TAFA5: variants seen among roughly 807,000 people sequenced by gnomAD.
TAFA5 encodes the protein TAFA chemokine like family member 5.
TAFA5 carries 6 observed loss-of-function variants against 15.3 expected under a neutral mutation model. The observed-to-expected ratio is 0.39, with a 90% CI of 0.21 to 0.77. The LOEUF is 0.77. Ranked by LOEUF, TAFA5 falls within the 30% of genes least tolerant of loss-of-function variation. TAFA5 has a pLI of 0.41. For synonymous variants in TAFA5, 103 were observed against 80.7 expected, an observed-to-expected ratio of 1.28 and a Z score of -1.48; for missense variants, 161 against 193.1, an observed-to-expected ratio of 0.83 and a Z score of 0.98.
intron 1 of TAFA5, among the ~76,000 whole-genome samples, chr22:48,549,594 T>A (rs1393445577): frequency 6.6e-6 from 1 of 152,176 alleles, no homozygotes; most frequent in Non-Finnish European, 1.5e-5. Flanking sequence ...CGCAGGTGCC[T>A]CCCAAGGGAC....
chr22:48,568,599 G>A (rs191179527), intron 1 of TAFA5, among the ~76,000 whole-genome samples: 2 of 152,350 alleles, frequency 1.3e-5, no homozygotes, highest in Admixed American at 1.3e-4. Flanking sequence ...AACATTGATT[G>A]AGACCAACCG....
intron 1 of TAFA5, among the ~76,000 whole-genome samples, chr22:48,628,838 C>T (rs973331006): frequency 2.6e-5 from 4 of 152,218 alleles, no homozygotes; most frequent in Non-Finnish European, 5.9e-5. Context: ...GTTTGCCAAT[C>T]CTTACGTGTG....
intron 2 of TAFA5, among the ~76,000 whole-genome samples, chr22:48,649,592 TC>T (rs1926982412): frequency 6.6e-6 from 1 of 152,160 alleles, no homozygotes; most frequent in African/African-American, 2.4e-5. Context: ...CTCTCAGGCC[TC>T]GGTTCTACAG....
intron 3 of TAFA5, among the ~76,000 whole-genome samples, chr22:48,744,712 C>T (rs1930277383): frequency 6.6e-6 from 1 of 152,188 alleles, no homozygotes; most frequent in African/African-American, 2.4e-5. Context: ...ATCTTTTTCT[C>T]TGTGCTTCCG....
intron 1 of TAFA5, among the ~76,000 whole-genome samples, chr22:48,542,314 ATG>A (rs1569018930): frequency 2.0e-4 from 11 of 55,350 alleles, no homozygotes; most frequent in Non-Finnish European, 2.8e-4. Flanking sequence ...TGTAGTGTGT[ATG>A]TGTGTGTGAT....
intron 2 of TAFA5, among the ~76,000 whole-genome samples, chr22:48,698,069 A>ATGGTGGTGG (rs56045024): frequency 6.7e-6 from 1 of 150,022 alleles, no homozygotes; most frequent in Admixed American, 6.6e-5. Flanking sequence ...TGTCATAATG[A>ATGGTGGTGG]TGGTGATGGT....
intron 1 of TAFA5, among the ~76,000 whole-genome samples, chr22:48,508,065 G>A (rs1921069207): frequency 1.3e-5 from 2 of 152,178 alleles, no homozygotes; most frequent in Non-Finnish European, 2.9e-5. Flanking sequence ...CCGCCCGCTT[G>A]CAGAGAGGGG....
At chr22:48,515,214 CT>C (rs1921361331) in intron 1 of TAFA5, among the ~76,000 whole-genome samples, 2 of 150,978 alleles carry the variant, frequency 1.3e-5, no homozygotes, top group Non-Finnish European at 3.0e-5. Context: ...AGGCAGCGTC[CT>C]CTCAGCAGTG....
chr22:48,599,680 G>A (rs1924892376), intron 1 of TAFA5, among the ~76,000 whole-genome samples: 1 of 152,382 alleles, frequency 6.6e-6, no homozygotes, highest in South Asian at 2.1e-4. Flanking sequence ...GGGTTTGGGA[G>A]CTGCCATGGC....
chr22:48,691,355 G>A (rs1338599709), intron 2 of TAFA5, among the ~76,000 whole-genome samples: 4 of 152,222 alleles, frequency 2.6e-5, no homozygotes, highest in Non-Finnish European at 5.9e-5. Flanking sequence ...TTTACTTCAC[G>A]TTTGACATTT....
At chr22:48,553,516 A>G (rs1922928313) in intron 1 of TAFA5, among the ~76,000 whole-genome samples, 1 of 152,188 alleles carries the variant, frequency 6.6e-6, no homozygotes, top group South Asian at 2.1e-4. Context: ...CACCAGGGAC[A>G]GGATGGTGGG....
At chr22:48,705,809 A>G (rs1929060728) in intron 2 of TAFA5, among the ~76,000 whole-genome samples, 1 of 152,238 alleles carries the variant, frequency 6.6e-6, no homozygotes, top group Non-Finnish European at 1.5e-5. Context: ...GTGCATTTGC[A>G]CAACTGTTTA....
chr22:48,608,979 C>T (rs551031716), intron 1 of TAFA5, among the ~76,000 whole-genome samples: 2 of 152,270 alleles, frequency 1.3e-5, no homozygotes, highest in East Asian at 1.9e-4. Flanking sequence ...TGAGGAGTGG[C>T]GTGGGCAGGT....
chr22:48,673,097 A>G (rs1033341420), intron 2 of TAFA5, among the ~76,000 whole-genome samples: 4 of 152,046 alleles, frequency 2.6e-5, no homozygotes, highest in African/African-American at 4.8e-5. Flanking sequence ...TCTCCTTTTC[A>G]TCTGGGGCAC....
At chr22:48,534,959 CCTTTT>C (rs1221648692) in intron 1 of TAFA5, among the ~76,000 whole-genome samples, 1 of 152,142 alleles carries the variant, frequency 6.6e-6, no homozygotes, top group Non-Finnish European at 1.5e-5. Flanking sequence ...TCTGTCCTCT[CCTTTT>C]CTTCCTAGTT....
At chr22:48,516,138 A>G (rs558416555) in intron 1 of TAFA5, among the ~76,000 whole-genome samples, 143 of 152,194 alleles carry the variant, frequency 9.4e-4, no homozygotes, top group Non-Finnish European at 1.7e-3. Context: ...CGCACTTGCC[A>G]TTAACTTTAT....
intron 1 of TAFA5, among the ~76,000 whole-genome samples, chr22:48,510,307 T>G (rs139195216): frequency 5.9e-5 from 9 of 152,294 alleles, no homozygotes; most frequent in African/African-American, 2.2e-4. Context: ...AAGGGACTAA[T>G]ATCCAGAATA....
chr22:48,544,695 T>A, intron 1 of TAFA5: 1 of 471,334 alleles, frequency 2.1e-6, no homozygotes, highest in Non-Finnish European at 4.4e-6. Context: ...TGTCCCTGCG[T>A]GCCCGCAGAT....
At chr22:48,580,124 C>G (rs758502115) in intron 1 of TAFA5, among the ~76,000 whole-genome samples, 1 of 152,222 alleles carries the variant, frequency 6.6e-6, no homozygotes, top group Non-Finnish European at 1.5e-5. Flanking sequence ...GCGTGCCTGT[C>G]TTTGAGCAGC....
Sources: allele counts gnomAD v4.1 joint callset (sites outside exome capture counted in the v4.1 genomes callset), GRCh38; gene constraint gnomAD v4.1.1; transcripts MANE v1.5; gene names NCBI Gene and HGNC (gene_info 2026-07-23, HGNC 2026-07-21).